Variants in DCUN1D4 observed in about 807,000 individuals in gnomAD.
DCUN1D4 encodes the protein defective in cullin neddylation 1 domain containing 4, also known as DCN1-like protein 4.
DCUN1D4 carries 22 observed loss-of-function variants against 47.9 expected under a neutral mutation model. The ratio of observed to expected loss-of-function variants is 0.46; its 90% CI spans 0.33 to 0.66. The LOEUF is 0.66. Ranked by LOEUF, DCUN1D4 falls within the 30% of genes least tolerant of loss-of-function variation. DCUN1D4 has a pLI of 0.02. For synonymous variants in DCUN1D4, 121 were observed against 112.2 expected, an observed-to-expected ratio of 1.08 and a Z score of -0.50; for missense variants, 301 against 340.8, an observed-to-expected ratio of 0.88 and a Z score of 0.92.
At position 51,877,776 on chromosome 4, in the gene DCUN1D4, T is replaced by C. The variant is rs1250931746; in HGVS notation, c.265T>C (p.Tyr89His). Residue 89 changes from tyrosine (Y) to histidine (H), a missense_variant, in exon 5 of 11, where the codon TAT (tyrosine) becomes CAT (histidine). Transcript: ENST00000334635. ...TTCAATTTCCAGCATGTATAGAAAA[T>C]ATGATTCGACTAGAATAAAGACTGA... The part of the protein sequence containing the change: ...KSRHDSMYRK[Y>H]DSTRIKTEEE... 11 of 1,608,206 alleles carry C rather than the reference T, an allele frequency of 6.8e-6. No homozygotes were observed. Among genetic ancestry groups the C allele is most frequent in the South Asian group, 1.1e-5 (1 of 89,886 alleles).
intron 3 of DCUN1D4, among the ~76,000 whole-genome samples, chr4:51,869,885 T>C (rs771019164): frequency 1.7e-4 from 26 of 152,166 alleles, no homozygotes; most frequent in Non-Finnish European, 3.5e-4. Context: ...TAAAAAATAT[T>C]TAATTTGTTC....
chr4:51,865,809 C>T (rs2109920298), intron 3 of DCUN1D4, among the ~76,000 whole-genome samples: 1 of 152,172 alleles, frequency 6.6e-6, no homozygotes, highest in South Asian at 2.1e-4. Flanking sequence ...TTTTGGAAAA[C>T]ACAACTTAGA....
intron 1 of DCUN1D4, among the ~76,000 whole-genome samples, chr4:51,858,440 A>ATC (rs1724489326): frequency 6.6e-6 from 1 of 152,118 alleles, no homozygotes. Flanking sequence ...GAGATTGGAG[A>ATC]GATTAGCAGA....
At chr4:51,911,503 T>C (rs952675865) in intron 9 of DCUN1D4, among the ~76,000 whole-genome samples, 1 of 152,206 alleles carries the variant, frequency 6.6e-6, no homozygotes, top group Admixed American at 6.5e-5. Context: ...GAAGATTTAC[T>C]TTCTTTTGAC....
chr4:51,844,035 T>G, intron 1 of DCUN1D4, among the ~76,000 whole-genome samples: 1 of 126,420 alleles, frequency 7.9e-6, no homozygotes, highest in African/African-American at 3.1e-5. Context: ...GGGGCAGGTG[T>G]GGAAGGGTAG....
At chr4:51,874,463 T>C in intron 4 of DCUN1D4, 78 bp downstream of exon 4, 1 of 1,045,670 alleles carries the variant, frequency 9.6e-7, no homozygotes, top group Non-Finnish European at 1.4e-6. Context: ...TCAGTGTGGG[T>C]CTTCTAAGTG....
chr4:51,854,388 C>T (rs1723815159), intron 1 of DCUN1D4, among the ~76,000 whole-genome samples: 1 of 152,122 alleles, frequency 6.6e-6, no homozygotes, highest in Non-Finnish European at 1.5e-5. Flanking sequence ...TTTTTAAAAA[C>T]ATATGTACTA....
intron 7 of DCUN1D4, among the ~76,000 whole-genome samples, chr4:51,896,132 G>A (rs1220843590): frequency 1.3e-5 from 2 of 152,160 alleles, no homozygotes; most frequent in Non-Finnish European, 2.9e-5. Flanking sequence ...CCAACCCCAG[G>A]TTTTTAATGG....
chr4:51,844,748 T>C (rs1272161204), intron 1 of DCUN1D4: 3 of 825,346 alleles, frequency 3.6e-6, no homozygotes, highest in Non-Finnish European at 4.4e-6. Context: ...TCAACGGGTA[T>C]GAAGGGGAAA....
At chr4:51,842,751 G>C (rs1721799444), upstream of DCUN1D4, among the ~76,000 whole-genome samples, 1 of 152,144 alleles carries the variant, frequency 6.6e-6, no homozygotes, top group African/African-American at 2.4e-5. Context: ...TATTCTTTGG[G>C]AAACACTTCG....
Position 51,843,174 on chromosome 4 carries a change from G to C in DCUN1D4, c.-69G>C. 1 of 1,532,380 alleles carries C rather than the reference G, an allele frequency of 6.5e-7. No homozygotes were observed. Among genetic ancestry groups the C allele is most frequent in the South Asian group, 1.2e-5 (1 of 82,224 alleles). 94.9% of individuals were successfully genotyped at this position (1,532,380 alleles called of 1,614,324 possible). A position where few individuals can be genotyped will look rare whatever the true frequency, so the allele number is the denominator to read the frequency against. Reference sequence around the variant, plus strand: ...CCTCAGCTTCGAGCCGAGGTGCAGTGAGCTGGTGGGGGGACCGCGAGGCGA... The same window carrying C: ...CCTCAGCTTCGAGCCGAGGTGCAGTCAGCTGGTGGGGGGACCGCGAGGCGA... On this transcript the variant is annotated 5_prime_UTR_variant, in exon 1 of 11. Transcript: ENST00000334635.
chr4:51,902,276 A>C (rs1013769615), intron 8 of DCUN1D4, among the ~76,000 whole-genome samples: 1 of 152,184 alleles, frequency 6.6e-6, no homozygotes, highest in African/African-American at 2.4e-5. Flanking sequence ...ATAAATGTCA[A>C]TTAGGTCAAG....
At chr4:51,873,978 A>C (rs1231147181) in intron 3 of DCUN1D4, among the ~76,000 whole-genome samples, 8 of 152,228 alleles carry the variant, frequency 5.3e-5, no homozygotes, top group Non-Finnish European at 1.2e-4. Context: ...AGAAACAGAA[A>C]GGTTAGATGA....
At chr4:51,857,252 A>G (rs1312769594) in intron 1 of DCUN1D4, among the ~76,000 whole-genome samples, 2 of 151,982 alleles carry the variant, frequency 1.3e-5, no homozygotes, top group East Asian at 3.9e-4. Context: ...CTAAATATCT[A>G]TTTTCTGCAA....
chr4:51,889,108 C>T (rs1444041373), intron 6 of DCUN1D4, among the ~76,000 whole-genome samples: 3 of 151,216 alleles, frequency 2.0e-5, no homozygotes, highest in Non-Finnish European at 4.4e-5. Flanking sequence ...GACTCTGTCT[C>T]GAAAAAGAAA....
At chr4:51,839,501 G>C (rs1281446950), upstream of DCUN1D4, among the ~76,000 whole-genome samples, 1 of 152,184 alleles carries the variant, frequency 6.6e-6, no homozygotes, top group Non-Finnish European at 1.5e-5. Context: ...CATTAAGAAA[G>C]AAGTTGTTAT....
At chr4:51,847,672 A>T in intron 1 of DCUN1D4, among the ~76,000 whole-genome samples, 1 of 149,060 alleles carries the variant, frequency 6.7e-6, no homozygotes. Flanking sequence ...CCTAGGCTGG[A>T]CTCGAACTCT....
chr4:51,891,743 G>A lies in DCUN1D4; in HGVS notation c.415-17G>A, dbSNP rs372467228. On this transcript the variant is annotated splice_polypyrimidine_tract_variant and intron_variant, in intron 6 of 10. Transcript: ENST00000334635. ...GTGTAATATATTTTTTTTTAATTGT[G>A]TATTTTTTTTTAACAGGTAGTTATG... The A allele has an allele frequency of 1.3e-6, 2 of 1,571,192 alleles. No homozygotes were observed. Among genetic ancestry groups the A allele is most frequent in the Non-Finnish European group, 8.7e-7 (1 of 1,153,054 alleles).
chr4:51,899,197 T>G, intron 7 of DCUN1D4, 73 bp from the exon 8 acceptor site: 1 of 1,466,764 alleles, frequency 6.8e-7, no homozygotes. Flanking sequence ...GTATTGTGTT[T>G]ATATTACTGC....
Sources: gnomAD v4.1 joint callset for allele counts (sites outside exome capture counted in the v4.1 genomes callset) on GRCh38, gnomAD v4.1.1 for gene constraint, MANE v1.5 for transcripts, NCBI Gene and HGNC (gene_info 2026-07-23, HGNC 2026-07-21) for gene names.